SIDT1: variants seen among roughly 807,000 people sequenced by gnomAD.
The protein encoded by SIDT1 is SID1 transmembrane family member 1.
A neutral mutation model predicts 107.5 loss-of-function variants in SIDT1; 101 were observed. The ratio of observed to expected loss-of-function variants is 0.94; its 90% CI spans 0.80 to 1.11. The LOEUF is 1.11. Among genes scored for constraint, SIDT1 ranks in the 50% least tolerant of loss-of-function variants. The probability of loss-of-function intolerance (pLI) is 0.00; values close to 1 mark genes in which losing one functional copy is unlikely to be tolerated. For synonymous variants in SIDT1, 395 were observed against 398.2 expected, an observed-to-expected ratio of 0.99 and a Z score of 0.10; for missense variants, 1,076 against 1,058.2, an observed-to-expected ratio of 1.02 and a Z score of -0.23.
chr3:113,557,226 A>G lies in SIDT1; in HGVS notation c.223-9194A>G, dbSNP rs565983627. Among the ~76,000 whole-genome samples the G allele has an allele frequency of 6.6e-4, 100 of 152,352 alleles. 1 individual carries two copies. Among genetic ancestry groups the G allele is most frequent in the Admixed American group, 3.0e-3 (46 of 15,310 alleles). ...ATGTTAATTCACTTTAACAGCAAGT[A>G]AGTAAAAGCTGAAGATAAGATGACA... On this transcript the variant is annotated intron_variant, in intron 1 of 24. Transcript: ENST00000264852.
chr3:113,627,807 C>A lies in SIDT1; in HGVS notation c.*99C>A. On this transcript the variant is annotated 3_prime_UTR_variant, in exon 25 of 25. Transcript: ENST00000264852. ...AAAGTAACCACTGCCAGATGCTCCA[C>A]TCACCCTCTGTAGAGCCAACTCTGC... 1 of 1,117,422 alleles carries A rather than the reference C, an allele frequency of 8.9e-7. No homozygotes were observed. Among genetic ancestry groups the A allele is most frequent in the Non-Finnish European group, 1.4e-6 (1 of 739,388 alleles). 69.2% of individuals were successfully genotyped at this position (1,117,422 alleles called of 1,614,324 possible).
At position 113,581,402 on chromosome 3, in the gene SIDT1, T is replaced by C. The variant is rs558027199; in HGVS notation, c.705T>C (p.Gly235=). Reference sequence around the variant, plus strand: ...TCGACCACAATGTGGAATTTAATGGTGTCTATCAGTCCATGACCAAGAAAG... The same window carrying C: ...TCGACCACAATGTGGAATTTAATGGCGTCTATCAGTCCATGACCAAGAAAG... ...YDLDHNVEFN[G]VYQSMTKKAA... The change falls in exon 6 of 25, where the codon GGT becomes GGC. Residue 235 remains glycine (G), a synonymous_variant. Transcript: ENST00000264852. 479 of 1,614,080 alleles carry C rather than the reference T, an allele frequency of 3.0e-4. 4 individuals carry two copies. In the South Asian group the frequency reaches 4.9e-3, roughly 17 times the overall value.
intron 3 of SIDT1, 120 bp from the exon 4 acceptor site, chr3:113,576,802 G>C: frequency 9.7e-7 from 1 of 1,036,064 alleles, no homozygotes; most frequent in Non-Finnish European, 1.5e-6. Flanking sequence ...CCTCACCAAG[G>C]GTGAAGCTCT....
chr3:113,635,298 C>T, the SIDT1 span, among the ~76,000 whole-genome samples: 5 of 152,172 alleles, frequency 3.3e-5, no homozygotes, highest in Admixed American at 2.6e-4. Context: ...GAGTTTGAAA[C>T]CAGCCTGGAC....
chr3:113,609,237 A>ATT (rs555377176), intron 17 of SIDT1, among the ~76,000 whole-genome samples: 1 of 150,286 alleles, frequency 6.7e-6, no homozygotes, highest in Non-Finnish European at 1.5e-5. Context: ...TAATTTTTGT[A>ATT]TTTTTTTTGG....
intron 1 of SIDT1, among the ~76,000 whole-genome samples, chr3:113,559,995 C>A (rs915533731): frequency 4.6e-5 from 7 of 152,136 alleles, no homozygotes; most frequent in Admixed American, 2.6e-4. Flanking sequence ...GTGATGGCAG[C>A]ATATTCTGAC....
rs752689521 is a variant in SIDT1, at chr3:113,593,043, A to G, written c.1040A>G (p.Asn347Ser). Residue 347 changes from asparagine (N) to serine (S), a missense_variant, in exon 10 of 25, where the codon AAT (asparagine) becomes AGT (serine). Coordinates refer to ENST00000264852, the MANE Select transcript of SIDT1 (RefSeq NM_017699.3). The stretch of plus-strand genomic sequence containing the variant: ...TCCATTGATGGAAGCTTTGGGTCCA[A>G]TGATGGTAAGAGCAATGCTTGGTTT... ...RKSIDGSFGS[N>S]DGSGNMVASH... The G allele has an allele frequency of 2.5e-6, 4 of 1,613,022 alleles. No homozygotes were observed. The African/African-American group carries it at 4.0e-5, about 16-fold the overall frequency.
chr3:113,536,951 A>T (rs1448652278), intron 1 of SIDT1, among the ~76,000 whole-genome samples: 5 of 152,236 alleles, frequency 3.3e-5, no homozygotes, highest in Non-Finnish European at 1.5e-5. Flanking sequence ...GAAGGAAACT[A>T]ACTTGTTGGG....
chr3:113,599,451 C>T (rs997031709), intron 10 of SIDT1, among the ~76,000 whole-genome samples: 3 of 152,230 alleles, frequency 2.0e-5, no homozygotes, highest in Non-Finnish European at 4.4e-5. Context: ...ATGAAAGTAA[C>T]ATATTTACTA....
intron 20 of SIDT1, among the ~76,000 whole-genome samples, chr3:113,617,753 T>A (rs1946204793): frequency 6.6e-6 from 1 of 152,214 alleles, no homozygotes; most frequent in South Asian, 2.1e-4. Flanking sequence ...CTTCCTTTTT[T>A]AATAGACTTT....
intron 1 of SIDT1, among the ~76,000 whole-genome samples, chr3:113,555,542 T>A (rs757387506): frequency 2.6e-5 from 4 of 152,242 alleles, no homozygotes; most frequent in Non-Finnish European, 4.4e-5. Flanking sequence ...TGTTTTTCCA[T>A]GTTTTTATTG....
At chr3:113,575,312 C>T (rs546251370) in intron 3 of SIDT1, among the ~76,000 whole-genome samples, 2 of 152,152 alleles carry the variant, frequency 1.3e-5, no homozygotes, top group Admixed American at 6.5e-5. Context: ...ATGTCGCCAG[C>T]CAAGAAAATC....
intron 1 of SIDT1, among the ~76,000 whole-genome samples, chr3:113,544,275 G>C (rs781198830): frequency 4.0e-5 from 6 of 151,892 alleles, no homozygotes; most frequent in Non-Finnish European, 7.4e-5. Flanking sequence ...ACTGCAATCT[G>C]CATCTCCCAG....
In SIDT1 at chr3:113,532,804, C is replaced by T; in HGVS notation, c.-218C>T. The T allele has an allele frequency of 2.5e-6, 1 of 395,840 alleles. No homozygotes were observed. Among genetic ancestry groups the T allele is most frequent in the Admixed American group, 4.5e-5 (1 of 22,100 alleles). 24.5% of individuals were successfully genotyped at this position (395,840 alleles called of 1,614,324 possible). The stretch of plus-strand genomic sequence containing the variant: ...CACTTCTCCAGTCCGCCCTACTCTC[C>T]ACCCGTGACCTCCAGTGGAGACCCC... On this transcript the variant is annotated 5_prime_UTR_variant, in exon 1 of 25. Coordinates refer to ENST00000264852, the MANE Select transcript of SIDT1 (RefSeq NM_017699.3).
chr3:113,566,539 A>G lies in SIDT1; in HGVS notation c.342A>G (p.Gly114=). 1.2e-6 allele frequency: 2 copies of G among 1,612,804 alleles called. No homozygotes were observed. The highest frequency in any genetic ancestry group is 1.7e-6 in the Non-Finnish European group (2 of 1,179,532). The change falls in exon 2 of 25, where the codon GGA becomes GGG. Residue 114 remains glycine (G), a splice_region_variant and synonymous_variant. Coordinates refer to ENST00000264852, the MANE Select transcript of SIDT1 (RefSeq NM_017699.3). ...GGCAGGTTCCTCTGCTCTTCCAAGG[A>G]CTGTAAGTGGGTTTTCTTCCAGGCA... ...LSWQVPLLFQ[G]LYQRSYNYQE...
intron 1 of SIDT1, among the ~76,000 whole-genome samples, chr3:113,556,815 C>CTTTTTT (rs1940910043): frequency 1.2e-4 from 5 of 40,572 alleles, no homozygotes; most frequent in Admixed American, 1.2e-3. Context: ...CCCTAAGTTT[C>CTTTTTT]TTTTTCTTTT....
rs1942953930 is a variant in SIDT1 at position 113,576,960 on chromosome 3, A to G, written c.554A>G (p.Gln185Arg). The G allele has an allele frequency of 1.2e-6, 2 of 1,614,006 alleles. No homozygotes were observed. The highest frequency in any genetic ancestry group is 1.3e-5 in the African/African-American group (1 of 74,918). The part of the protein sequence containing the change: ...VAFHFTASPS[Q>R]PQYFLYKFPK... ...TTTCACTTTACTGCCAGCCCCTCTC[A>G]ACCTCAGGTAAGTGAAGGGGTTCCA... The change falls in exon 4 of 25, where the codon CAA becomes CGA. Residue 185 changes from glutamine (Q) to arginine (R), a missense_variant. Gln to Arg is a conservative substitution (Grantham distance 43, BLOSUM62 1). Transcript: ENST00000264852.
At position 113,627,842 on chromosome 3, in the gene SIDT1, G is replaced by A; in HGVS notation, c.*134G>A. On this transcript the variant is annotated 3_prime_UTR_variant, in exon 25 of 25. Transcript: ENST00000264852. ...GTAGAGCCAACTCTGCATTCACACA[G>A]GAAGGAGAGGGGCTGCGGGAGATTT... 1.3e-6 allele frequency: 1 copy of A among 754,732 alleles called. No homozygotes were observed. Among genetic ancestry groups the A allele is most frequent in the Non-Finnish European group, 2.3e-6 (1 of 443,290 alleles). 46.8% of individuals were successfully genotyped at this position (754,732 alleles called of 1,614,324 possible). A position where few individuals can be genotyped will look rare whatever the true frequency, so the allele number is the denominator to read the frequency against.
intron 3 of SIDT1, among the ~76,000 whole-genome samples, chr3:113,569,868 C>G (rs1203654739): frequency 6.6e-6 from 1 of 152,140 alleles, no homozygotes; most frequent in Non-Finnish European, 1.5e-5. Context: ...TTGCGAACCA[C>G]TACCCTAAAA....
Sources: gnomAD v4.1 joint callset for allele counts (sites outside exome capture counted in the v4.1 genomes callset) on GRCh38, gnomAD v4.1.1 for gene constraint, MANE v1.5 for transcripts, NCBI Gene and HGNC (gene_info 2026-07-23, HGNC 2026-07-21) for gene names.